Variants in NRXN3 observed in about 807,000 individuals in gnomAD.
NRXN3 encodes neurexin III.
NRXN3 carries 32 observed loss-of-function variants against 137.6 expected under a neutral mutation model. That is an observed-to-expected ratio of 0.23 (90% CI 0.18 to 0.31). The LOEUF is 0.31. NRXN3 is among the 10% of genes least tolerant of loss of function. The pLI, the probability that NRXN3 is intolerant of heterozygous loss-of-function variation, is 1.00. For synonymous variants in NRXN3, 798 were observed against 784.5 expected, an observed-to-expected ratio of 1.02 and a Z score of -0.29; for missense variants, 1,574 against 2,062.5, an observed-to-expected ratio of 0.76 and a Z score of 4.59.
intron 15 of NRXN3, among the ~76,000 whole-genome samples, chr14:79,133,837 G>A (rs1443749731): frequency 1.7e-4 from 26 of 151,762 alleles, no homozygotes; most frequent in Admixed American, 1.7e-3. Context: ...GCTGAGGCAG[G>A]AGAATGGCGT....
At chr14:79,440,081 T>C (rs536578195) in intron 15 of NRXN3, among the ~76,000 whole-genome samples, 1 of 152,306 alleles carries the variant, frequency 6.6e-6, no homozygotes, top group African/African-American at 2.4e-5. Flanking sequence ...TTTCATAAAA[T>C]ATTTTTTTGG....
chr14:79,167,837 C>A (rs2061417339), intron 15 of NRXN3, among the ~76,000 whole-genome samples: 1 of 151,940 alleles, frequency 6.6e-6, no homozygotes, highest in African/African-American at 2.4e-5. Flanking sequence ...CTTCAGCCAG[C>A]ATTATCTGCA....
At chr14:78,784,064 GA>G (rs11288913) in intron 8 of NRXN3, among the ~76,000 whole-genome samples, 43,373 of 98,166 alleles carry the variant, frequency 0.44, 9,429 homozygotes, top group African/African-American at 0.7. Flanking sequence ...TAACACATGA[GA>G]AAAAAAAAAA....
At chr14:78,440,264 C>T (rs1258703560) in intron 4 of NRXN3, among the ~76,000 whole-genome samples, 1 of 152,106 alleles carries the variant, frequency 6.6e-6, no homozygotes, top group African/African-American at 2.4e-5. Flanking sequence ...GGCTCCAGGA[C>T]CCTCAGGGAA....
chr14:78,990,593 G>A (rs145707795), intron 15 of NRXN3, among the ~76,000 whole-genome samples: 2,840 of 152,040 alleles, frequency 0.019, 43 homozygotes, highest in Middle Eastern at 0.038. Flanking sequence ...GGCTGGTCTT[G>A]AACTCCTGAC....
chr14:79,208,181 T>C (rs2067080112), intron 15 of NRXN3, among the ~76,000 whole-genome samples: 1 of 152,132 alleles, frequency 6.6e-6, no homozygotes, highest in Non-Finnish European at 1.5e-5. Context: ...AACCCGCAAT[T>C]CAAAACAATT....
intron 15 of NRXN3, among the ~76,000 whole-genome samples, chr14:79,369,315 A>G (rs754507305): frequency 1.3e-5 from 2 of 152,198 alleles, no homozygotes; most frequent in African/African-American, 4.8e-5. Context: ...TTTGGCTTCT[A>G]TGTCAAGGAG....
At chr14:78,630,977 C>A (rs1449811253) in intron 4 of NRXN3, among the ~76,000 whole-genome samples, 1 of 152,174 alleles carries the variant, frequency 6.6e-6, no homozygotes, top group African/African-American at 2.4e-5. Context: ...TAGTTGAAAT[C>A]TAAGTCTGTG....
At chr14:79,426,108 G>T (rs891708958) in intron 15 of NRXN3, among the ~76,000 whole-genome samples, 3 of 152,150 alleles carry the variant, frequency 2.0e-5, no homozygotes, top group African/African-American at 7.2e-5. Flanking sequence ...AACCTGGCAG[G>T]AGAGGCATAA....
At chr14:78,705,980 G>C (rs2098343244) in intron 6 of NRXN3, among the ~76,000 whole-genome samples, 1 of 152,116 alleles carries the variant, frequency 6.6e-6, no homozygotes, top group Non-Finnish European at 1.5e-5. Flanking sequence ...GTCTCAGTTA[G>C]GTACCCTTCT....
At chr14:79,376,775 A>G (rs774772188) in intron 15 of NRXN3, among the ~76,000 whole-genome samples, 3 of 152,210 alleles carry the variant, frequency 2.0e-5, no homozygotes, top group Non-Finnish European at 4.4e-5. Flanking sequence ...TGCTAGGTAC[A>G]TGATTACGAT....
chr14:79,025,862 C>G (rs1263214601), intron 15 of NRXN3, among the ~76,000 whole-genome samples: 1 of 152,024 alleles, frequency 6.6e-6, no homozygotes, highest in African/African-American at 2.4e-5. Flanking sequence ...TTTAACGATG[C>G]CATTTGGGAG....
intron 1 of NRXN3, among the ~76,000 whole-genome samples, chr14:78,232,601 G>A (rs185522841): frequency 6.6e-6 from 1 of 152,108 alleles, no homozygotes; most frequent in Non-Finnish European, 1.5e-5. Context: ...GGAAAGATCA[G>A]CTAAGCACCT....
chr14:79,277,744 T>TG (rs2153435967), intron 15 of NRXN3, among the ~76,000 whole-genome samples: 1 of 152,326 alleles, frequency 6.6e-6, no homozygotes, highest in East Asian at 1.9e-4. Flanking sequence ...TTTAAGACAC[T>TG]GCGTGGGGGC....
At chr14:78,868,115 T>C (rs1255907233) in intron 10 of NRXN3, among the ~76,000 whole-genome samples, 1 of 151,380 alleles carries the variant, frequency 6.6e-6, no homozygotes, top group African/African-American at 2.4e-5. Context: ...TTTTCTCTTA[T>C]AAATCTGTCT....
chr14:78,630,240 C>T (rs1426113329), intron 4 of NRXN3, among the ~76,000 whole-genome samples: 1 of 152,170 alleles, frequency 6.6e-6, no homozygotes, highest in African/African-American at 2.4e-5. Flanking sequence ...CGAAAAGAAT[C>T]TCTGGTTCCA....
intron 15 of NRXN3, among the ~76,000 whole-genome samples, chr14:79,315,052 G>T (rs995860747): frequency 6.6e-6 from 1 of 152,150 alleles, no homozygotes; most frequent in Non-Finnish European, 1.5e-5. Flanking sequence ...TGGAAACTTG[G>T]CAGCCCGTGA....
At chr14:78,721,456 A>G (rs1042578492) in intron 8 of NRXN3, among the ~76,000 whole-genome samples, 8 of 152,152 alleles carry the variant, frequency 5.3e-5, no homozygotes, top group South Asian at 4.1e-4. Flanking sequence ...CTCAAATGTC[A>G]TCAGCTTGGC....
chr14:79,520,634 C>A (rs1210830938), intron 16 of NRXN3, among the ~76,000 whole-genome samples: 1 of 152,108 alleles, frequency 6.6e-6, no homozygotes, highest in Non-Finnish European at 1.5e-5. Context: ...CTTTTTTATG[C>A]CTGCATAGTA....
Sources: gnomAD v4.1 joint callset for allele counts (sites outside exome capture counted in the v4.1 genomes callset) on GRCh38, gnomAD v4.1.1 for gene constraint, MANE v1.5 for transcripts, NCBI Gene and HGNC (gene_info 2026-07-23, HGNC 2026-07-21) for gene names.